The following DGKI variants were observed in gnomAD, a reference collection of about 807,000 sequenced individuals.
The protein encoded by DGKI is diacylglycerol kinase iota.
Under a neutral mutation model 147.5 loss-of-function variants are expected in DGKI, and 55 were observed. The ratio of observed to expected loss-of-function variants is 0.37; its 90% confidence interval spans 0.30 to 0.47. The LOEUF (loss-of-function observed/expected upper bound fraction) is 0.47, where lower values mean the gene tolerates loss of function less well. Ranked by LOEUF, DGKI falls within the 20% of genes least tolerant of loss-of-function variation. DGKI has a pLI of 1.00. For missense variants in DGKI, 1,007 were observed against 1,323.8 expected (o/e 0.76, Z 3.71); for synonymous variants, 469 against 477.1 (o/e 0.98, Z 0.22).
At chr7:137,576,431 A>G (rs1042981063) in intron 17 of DGKI, among the ~76,000 whole-genome samples, 3 of 152,056 alleles carry the variant, frequency 2.0e-5, no homozygotes, top group Admixed American at 6.5e-5. Context: ...TTCCATCTAT[A>G]TATCTTTTTT....
At chr7:137,503,774 A>G (rs1816268227) in intron 21 of DGKI, among the ~76,000 whole-genome samples, 1 of 152,122 alleles carries the variant, frequency 6.6e-6, no homozygotes, top group Non-Finnish European at 1.5e-5. Context: ...AGATCATATT[A>G]TCTACCCCAC....
intron 12 of DGKI, among the ~76,000 whole-genome samples, chr7:137,595,726 A>G (rs1316335410): frequency 6.6e-6 from 1 of 152,110 alleles, no homozygotes; most frequent in African/African-American, 2.4e-5. Context: ...GAAAACGGGC[A>G]GGCAGGGTGG....
At chr7:137,627,409 G>T (rs899645020) in intron 6 of DGKI, among the ~76,000 whole-genome samples, 5 of 152,148 alleles carry the variant, frequency 3.3e-5, no homozygotes, top group African/African-American at 2.4e-5. Context: ...AACATCATAG[G>T]CATGCCATGA....
chr7:137,638,583 T>C (rs1442246108), intron 6 of DGKI, among the ~76,000 whole-genome samples: 1 of 84,330 alleles, frequency 1.2e-5, no homozygotes. Flanking sequence ...TATGTATATA[T>C]ACACATATAT....
intron 10 of DGKI, among the ~76,000 whole-genome samples, chr7:137,604,032 A>G (rs1012567420): frequency 1.3e-5 from 2 of 152,146 alleles, no homozygotes; most frequent in African/African-American, 2.4e-5. Flanking sequence ...GCTACAGACT[A>G]AGGAACCAGA....
At chr7:137,758,920 T>C (rs1473145496) in intron 1 of DGKI, among the ~76,000 whole-genome samples, 4 of 152,174 alleles carry the variant, frequency 2.6e-5, no homozygotes, top group Non-Finnish European at 5.9e-5. Context: ...AAGGAACAAC[T>C]ATATTCACAG....
chr7:137,552,657 C>G lies in DGKI; in HGVS notation c.1948-89G>C, dbSNP rs546687137. On this transcript the variant is annotated intron_variant, in intron 19 of 32. Coordinates refer to ENST00000614521, the MANE Select transcript of DGKI (RefSeq NM_001321708.2). ...GGCGCTGTGGCTCATGCCTGTAATCCCAGCACTTTGGGAGACCAAGGCAGG... is the reference window on the plus strand; with the variant it reads ...GGCGCTGTGGCTCATGCCTGTAATCGCAGCACTTTGGGAGACCAAGGCAGG... The G allele has an allele frequency of 2.1e-4, 305 of 1,422,858 alleles. 3 individuals carry two copies. The South Asian group carries it at 3.6e-3, about 17-fold the overall frequency. 88.1% of individuals were successfully genotyped at this position (1,422,858 alleles called of 1,614,324 possible). A position where few individuals can be genotyped will look rare whatever the true frequency, so the allele number is the denominator to read the frequency against.
intron 6 of DGKI, among the ~76,000 whole-genome samples, chr7:137,626,322 G>GACAC (rs111591226): frequency 0.039 from 5,442 of 139,074 alleles, 108 homozygotes; most frequent in Middle Eastern, 0.051. Context: ...AAGTGCTTCT[G>GACAC]ACACACACAC....
chr7:137,556,698 T>C (rs1723109), intron 19 of DGKI, among the ~76,000 whole-genome samples: 16,643 of 152,244 alleles, frequency 0.11, 2,056 homozygotes, highest in African/African-American at 0.3. Flanking sequence ...AGGCATGTTA[T>C]ATTCATGAAC....
intron 1 of DGKI, among the ~76,000 whole-genome samples, chr7:137,768,086 G>A (rs538698199): frequency 6.6e-6 from 1 of 152,250 alleles, no homozygotes; most frequent in Admixed American, 6.5e-5. Flanking sequence ...CTACATATAT[G>A]AGGAAGCTAC....
intron 16 of DGKI, among the ~76,000 whole-genome samples, chr7:137,577,737 A>C (rs1819034875): frequency 6.6e-6 from 1 of 152,094 alleles, no homozygotes. Flanking sequence ...AACTGTACTG[A>C]TATTTTGGAT....
intron 1 of DGKI, among the ~76,000 whole-genome samples, chr7:137,791,383 T>C (rs538829293): frequency 6.6e-6 from 1 of 152,328 alleles, no homozygotes; most frequent in South Asian, 2.1e-4. Context: ...CTACCCCTGC[T>C]CAAAATCTTT....
intron 21 of DGKI, among the ~76,000 whole-genome samples, chr7:137,504,370 T>C (rs533483507): frequency 6.6e-6 from 1 of 152,280 alleles, no homozygotes; most frequent in Admixed American, 6.5e-5. Flanking sequence ...AATAGGATCA[T>C]TATAAGAACG....
At chr7:137,687,282 C>T (rs1217378391) in intron 2 of DGKI, among the ~76,000 whole-genome samples, 1 of 152,188 alleles carries the variant, frequency 6.6e-6, no homozygotes, top group Non-Finnish European at 1.5e-5. Context: ...CTCCTGCCAC[C>T]TTCCTTTTTA....
At chr7:137,730,726 G>A (rs1215708680) in intron 1 of DGKI, among the ~76,000 whole-genome samples, 1 of 151,944 alleles carries the variant, frequency 6.6e-6, no homozygotes, top group Non-Finnish European at 1.5e-5. Flanking sequence ...CCCGCAAAAT[G>A]TCCTTGTGTC....
intron 1 of DGKI, among the ~76,000 whole-genome samples, chr7:137,786,503 T>C (rs899415245): frequency 5.3e-5 from 8 of 152,122 alleles, no homozygotes; most frequent in African/African-American, 1.9e-4. Flanking sequence ...CCCATGCTCA[T>C]GAGTGGGTAG....
At chr7:137,811,438 A>G (rs1563208635) in intron 1 of DGKI, among the ~76,000 whole-genome samples, 1 of 151,302 alleles carries the variant, frequency 6.6e-6, no homozygotes, top group Non-Finnish European at 1.5e-5. Context: ...CACAGCTCAC[A>G]AAAGTCAACT....
intron 8 of DGKI, among the ~76,000 whole-genome samples, chr7:137,614,759 A>G (rs1820475148): frequency 6.6e-6 from 1 of 152,102 alleles, no homozygotes; most frequent in Non-Finnish European, 1.5e-5. Context: ...TAAAAATGAA[A>G]TATGCGGTTT....
Position 137,472,275 on chromosome 7 carries a change from TATA to T in DGKI, c.2374-2659_2374-2657del, listed in dbSNP as rs1335689675. Among the ~76,000 whole-genome samples, 216 of 84,432 alleles carry T rather than the reference TATA, an allele frequency of 2.6e-3. 4 individuals are homozygous for T. The highest frequency in any genetic ancestry group is 5.0e-3 in the African/African-American group (93 of 18,438). The allele number at this position is 84,432 out of a possible 152,430, so 55.4% of individuals were successfully genotyped here. ...ACATAATATTATATGTATATATACA[TATA>T]ATATTATATGTATGTGTATATTTAT... On this transcript the variant is annotated intron_variant, in intron 23 of 32. Coordinates refer to ENST00000614521, the MANE Select transcript of DGKI (RefSeq NM_001321708.2).
Sources: gnomAD v4.1 joint callset for allele counts (sites outside exome capture counted in the v4.1 genomes callset) on GRCh38, gnomAD v4.1.1 for gene constraint, MANE v1.5 for transcripts, NCBI Gene and HGNC (gene_info 2026-07-23, HGNC 2026-07-21) for gene names.